SPIDR: variants seen among roughly 807,000 people sequenced by gnomAD.
The protein encoded by SPIDR is DNA repair-scaffolding protein.
SPIDR carries 93 observed loss-of-function variants against 104.6 expected under a neutral mutation model. That is an observed-to-expected ratio of 0.89 (90% CI 0.75 to 1.06). The LOEUF (loss-of-function observed/expected upper bound fraction) is 1.06. SPIDR is among the 50% of genes least tolerant of loss of function. The pLI is 0.00. For missense variants in SPIDR, 1,154 were observed against 1,111.2 expected (o/e 1.04, Z -0.55); for synonymous variants, 431 against 416.9 (o/e 1.03, Z -0.41).
chr8:47,423,551 G>T (rs954621491), intron 7 of SPIDR, among the ~76,000 whole-genome samples: 1 of 152,042 alleles, frequency 6.6e-6, no homozygotes, highest in Non-Finnish European at 1.5e-5. Context: ...TTTGTGAGCC[G>T]AGATCACGCC....
rs868992329 is a variant in SPIDR, at chr8:47,349,703, C to G, written c.526-46673C>G. On this transcript the variant is annotated intron_variant, in intron 5 of 19. Coordinates refer to ENST00000297423, the MANE Select transcript of SPIDR (RefSeq NM_001080394.4). ...AGTCGCACCTCCCCCAGCATCGCTG[C>G]CACCTCGCAGTTCTATCTCGGACTG... Among the ~76,000 whole-genome samples the G allele has an allele frequency of 3.3e-5, 5 of 152,366 alleles. No individual in the cohort carries two copies. The South Asian group carries it at 6.2e-4, about 19-fold the overall frequency.
intron 14 of SPIDR, among the ~76,000 whole-genome samples, chr8:47,710,625 C>T (rs940394729): frequency 1.1e-4 from 17 of 152,228 alleles, no homozygotes; most frequent in African/African-American, 2.9e-4. Flanking sequence ...TGTGCCTCCA[C>T]GCCTGGCTAA....
intron 8 of SPIDR, among the ~76,000 whole-genome samples, chr8:47,492,463 A>T (rs182289681): frequency 6.6e-6 from 1 of 152,306 alleles, no homozygotes; most frequent in Admixed American, 6.5e-5. Context: ...CACCCTGCTG[A>T]TTGTAAATCA....
intron 2 of SPIDR, among the ~76,000 whole-genome samples, chr8:47,281,803 G>A (rs1031204528): frequency 1.1e-4 from 16 of 152,278 alleles, no homozygotes; most frequent in African/African-American, 3.9e-4. Flanking sequence ...GTTCCTAATG[G>A]CACATAGAAT....
At chr8:47,729,509 C>G (rs1393154142) in intron 19 of SPIDR, 44 bp downstream of exon 19, 2 of 1,562,142 alleles carry the variant, frequency 1.3e-6, no homozygotes, top group Non-Finnish European at 1.7e-6. Flanking sequence ...CACTCAGTAG[C>G]CTGCATGAGC....
At chr8:47,643,185 C>CT (rs991980799) in intron 10 of SPIDR, among the ~76,000 whole-genome samples, 10 of 150,500 alleles carry the variant, frequency 6.6e-5, no homozygotes, top group South Asian at 2.1e-4. Context: ...CTGTGGGATG[C>CT]TTTTTTTTTA....
chr8:47,303,673 A>C (rs2042631882), intron 5 of SPIDR, among the ~76,000 whole-genome samples: 1 of 152,110 alleles, frequency 6.6e-6, no homozygotes, highest in South Asian at 2.1e-4. Flanking sequence ...TTATTTGCAT[A>C]TGTTGAACCA....
At chr8:47,608,809 G>A (rs552406116) in intron 10 of SPIDR, among the ~76,000 whole-genome samples, 13 of 152,092 alleles carry the variant, frequency 8.5e-5, no homozygotes, top group African/African-American at 3.1e-4. Flanking sequence ...CTGCAACCTC[G>A]GCCTCCTGGT....
At chr8:47,374,559 C>G (rs1205932220) in intron 5 of SPIDR, among the ~76,000 whole-genome samples, 2 of 152,104 alleles carry the variant, frequency 1.3e-5, no homozygotes, top group Non-Finnish European at 2.9e-5. Context: ...GTCAGGTGGA[C>G]TTTTGGTTTA....
intron 7 of SPIDR, among the ~76,000 whole-genome samples, chr8:47,437,404 C>T (rs554341082): frequency 6.6e-6 from 1 of 152,168 alleles, no homozygotes; most frequent in Non-Finnish European, 1.5e-5. Context: ...TCATCCATGT[C>T]CCTACAAAGG....
chr8:47,624,027 A>G (rs1014682834), intron 10 of SPIDR, among the ~76,000 whole-genome samples: 2 of 152,230 alleles, frequency 1.3e-5, no homozygotes, highest in Admixed American at 6.5e-5. Context: ...AGAAATTATA[A>G]CAAACTGTCT....
At chr8:47,406,598 G>A (rs1421247603) in intron 6 of SPIDR, among the ~76,000 whole-genome samples, 2 of 152,088 alleles carry the variant, frequency 1.3e-5, no homozygotes, top group Admixed American at 6.6e-5. Context: ...AACATACTAG[G>A]TGTCTCTATA....
chr8:47,702,463 A>G (rs982773275), intron 14 of SPIDR, among the ~76,000 whole-genome samples: 4 of 152,172 alleles, frequency 2.6e-5, no homozygotes, highest in Non-Finnish European at 5.9e-5. Context: ...ACTTCTGGGA[A>G]CTTTTAGAGC....
intron 9 of SPIDR, among the ~76,000 whole-genome samples, chr8:47,598,317 G>A (rs2061854593): frequency 6.6e-6 from 1 of 152,132 alleles, no homozygotes; most frequent in South Asian, 2.1e-4. Context: ...CTATGTCTCA[G>A]TTTTCTTATC....
intron 8 of SPIDR, among the ~76,000 whole-genome samples, chr8:47,450,033 G>A (rs2071412798): frequency 6.6e-6 from 1 of 152,116 alleles, no homozygotes; most frequent in African/African-American, 2.4e-5. Flanking sequence ...GCACGATGGT[G>A]CATGCATGTA....
intron 5 of SPIDR, among the ~76,000 whole-genome samples, chr8:47,310,356 C>T (rs981251557): frequency 1.4e-5 from 2 of 144,988 alleles, no homozygotes; most frequent in Middle Eastern, 3.3e-3. Flanking sequence ...AAAAAAAAGT[C>T]ACTATGGATG....
In SPIDR at chr8:47,270,304, C is replaced by G. The variant is rs577345825; in HGVS notation, c.33+9313C>G. ...AAGTTTTAAAGTTATGACTCAATCT[C>G]TTTGTTTGTTACAGCTCTCTGATCA... On this transcript the variant is annotated intron_variant, in intron 1 of 19. Coordinates refer to ENST00000297423, the MANE Select transcript of SPIDR (RefSeq NM_001080394.4). Among the ~76,000 whole-genome samples, 21 of 152,256 alleles carry G rather than the reference C, an allele frequency of 1.4e-4. No individual in the cohort carries two copies. The South Asian group carries it at 1.7e-3, about 12-fold the overall frequency.
intron 8 of SPIDR, among the ~76,000 whole-genome samples, chr8:47,514,469 C>G (rs760225567): frequency 6.6e-6 from 1 of 152,164 alleles, no homozygotes; most frequent in Non-Finnish European, 1.5e-5. Flanking sequence ...TGGGAGCCCA[C>G]TGCAGGGGAT....
intron 10 of SPIDR, among the ~76,000 whole-genome samples, chr8:47,618,419 G>T (rs2154433910): frequency 6.6e-6 from 1 of 152,206 alleles, no homozygotes; most frequent in African/African-American, 2.4e-5. Context: ...ATTACCAAGG[G>T]TGATAGATAG....
Sources: gnomAD v4.1 joint callset for allele counts (sites outside exome capture counted in the v4.1 genomes callset) on GRCh38, gnomAD v4.1.1 for gene constraint, MANE v1.5 for transcripts, NCBI Gene and HGNC (gene_info 2026-07-23, HGNC 2026-07-21) for gene names.